The following DOK5 variants were observed in gnomAD, a reference collection of about 807,000 sequenced individuals.
DOK5 encodes the protein downstream of tyrosine kinase 5.
A neutral mutation model predicts 43.3 loss-of-function variants in DOK5; 27 were observed. The observed-to-expected ratio is 0.62, with a 90% confidence interval of 0.46 to 0.86. The LOEUF (loss-of-function observed/expected upper bound fraction) is 0.86, where lower values mean the gene tolerates loss of function less well. Among genes scored for constraint, DOK5 ranks in the 40% least tolerant of loss-of-function variants. The pLI, the probability that DOK5 is intolerant of heterozygous loss-of-function variation, is 0.00. For synonymous variants in DOK5, 146 were observed against 140.1 expected, an observed-to-expected ratio of 1.04 and a Z score of -0.30; for missense variants, 373 against 392.9, an observed-to-expected ratio of 0.95 and a Z score of 0.43.
chr20:54,495,947 A>G (rs1982374666), intron 1 of DOK5, among the ~76,000 whole-genome samples: 2 of 152,228 alleles, frequency 1.3e-5, no homozygotes, highest in South Asian at 4.1e-4. Context: ...AGTGAGACTG[A>G]CAATTTTACA....
In DOK5 at chr20:54,568,327, C is replaced by T. The variant is rs558762649; in HGVS notation, c.174+13287C>T. On this transcript the variant is annotated intron_variant, in intron 2 of 7. Transcript: ENST00000262593. Reference sequence around the variant, plus strand: ...CGTATACCTCTAAGATACAATCTATCCAGTTTCACATTTGTATGCATATGT... The same window carrying T: ...CGTATACCTCTAAGATACAATCTATTCAGTTTCACATTTGTATGCATATGT... Among the ~76,000 whole-genome samples, 6 of 152,298 alleles carry T rather than the reference C, an allele frequency of 3.9e-5. No homozygotes were observed. The East Asian group carries it at 1.2e-3, about 29-fold the overall frequency.
intron 6 of DOK5, among the ~76,000 whole-genome samples, chr20:54,625,341 C>T (rs1987102197): frequency 6.6e-6 from 1 of 152,176 alleles, no homozygotes; most frequent in Non-Finnish European, 1.5e-5. Context: ...AGGTTCTAAT[C>T]TCCTGTTTTT....
chr20:54,512,401 T>C (rs1339148455), intron 1 of DOK5, among the ~76,000 whole-genome samples: 1 of 152,228 alleles, frequency 6.6e-6, no homozygotes, highest in African/African-American at 2.4e-5. Flanking sequence ...TCAAAAGGCA[T>C]TGACTGACCT....
chr20:54,565,198 GT>G (rs1053245251), intron 2 of DOK5, among the ~76,000 whole-genome samples: 3 of 152,090 alleles, frequency 2.0e-5, no homozygotes, highest in African/African-American at 7.2e-5. Context: ...TATATTCTAT[GT>G]TTTTTCCTAT....
chr20:54,556,206 C>T (rs1984703505), intron 2 of DOK5, among the ~76,000 whole-genome samples: 2 of 152,140 alleles, frequency 1.3e-5, no homozygotes, highest in African/African-American at 2.4e-5. Context: ...CCTGTCACCC[C>T]ATGAAGCAGT....
At chr20:54,492,846 G>A (rs1443201065) in intron 1 of DOK5, among the ~76,000 whole-genome samples, 1 of 151,974 alleles carries the variant, frequency 6.6e-6, no homozygotes, top group Admixed American at 6.6e-5. Context: ...TTGAGGTCAG[G>A]AGTTCAAGAT....
At chr20:54,512,554 C>G (rs1983048704) in intron 1 of DOK5, among the ~76,000 whole-genome samples, 1 of 152,120 alleles carries the variant, frequency 6.6e-6, no homozygotes, top group Admixed American at 6.5e-5. Flanking sequence ...TATAGGCCCA[C>G]TAATTATTTG....
chr20:54,595,687 G>A (rs1329271490), intron 5 of DOK5, among the ~76,000 whole-genome samples: 2 of 152,168 alleles, frequency 1.3e-5, no homozygotes, highest in African/African-American at 2.4e-5. Flanking sequence ...ATTTTGAATA[G>A]CATTATTTCT....
At chr20:54,504,826 G>A (rs1377828954) in intron 1 of DOK5, among the ~76,000 whole-genome samples, 1 of 152,186 alleles carries the variant, frequency 6.6e-6, no homozygotes, top group Non-Finnish European at 1.5e-5. Flanking sequence ...TTTTGAGGTG[G>A]TAGGTGAGAA....
At chr20:54,540,410 C>A (rs1984111924) in intron 1 of DOK5, among the ~76,000 whole-genome samples, 1 of 152,184 alleles carries the variant, frequency 6.6e-6, no homozygotes. Flanking sequence ...ATGAAGGAAA[C>A]AAAATGTGTT....
intron 1 of DOK5, among the ~76,000 whole-genome samples, chr20:54,514,163 T>C (rs1304526240): frequency 6.6e-6 from 1 of 152,228 alleles, no homozygotes; most frequent in Non-Finnish European, 1.5e-5. Context: ...CATGTGGCTC[T>C]GAATACAGGG....
In DOK5 at chr20:54,502,613, T is replaced by C. The variant is rs116799758; in HGVS notation, c.66+26601T>C. Among the ~76,000 whole-genome samples the C allele has an allele frequency of 3.0e-3, 462 of 152,336 alleles. 4 individuals are homozygous for C. The highest frequency in any genetic ancestry group is 0.01 in the African/African-American group (423 of 41,586). ...TTTCAAGCATATATCAGCATATACA[T>C]ATATAGGTATATTTGTATATATGTC... On this transcript the variant is annotated intron_variant, in intron 1 of 7. Transcript: ENST00000262593.
At chr20:54,647,717 G>A (rs1280919298) in intron 7 of DOK5, among the ~76,000 whole-genome samples, 1 of 152,004 alleles carries the variant, frequency 6.6e-6, no homozygotes, top group Non-Finnish European at 1.5e-5. Context: ...GTGGTCAAAC[G>A]CGTCTGGGGG....
intron 6 of DOK5, among the ~76,000 whole-genome samples, chr20:54,612,188 G>A (rs1266469357): frequency 6.6e-6 from 1 of 152,060 alleles, no homozygotes; most frequent in African/African-American, 2.4e-5. Context: ...TTGCATATGG[G>A]TCATTCAGAA....
chr20:54,498,895 A>G (rs765020146), intron 1 of DOK5, among the ~76,000 whole-genome samples: 1 of 152,238 alleles, frequency 6.6e-6, no homozygotes, highest in Non-Finnish European at 1.5e-5. Context: ...GCAAATATAG[A>G]AATATGGAAA....
intron 5 of DOK5, among the ~76,000 whole-genome samples, chr20:54,604,096 G>A (rs914495610): frequency 6.6e-5 from 10 of 151,748 alleles, no homozygotes; most frequent in African/African-American, 2.2e-4. Flanking sequence ...ACAGGCGCCC[G>A]CCACCATGCC....
intron 2 of DOK5, among the ~76,000 whole-genome samples, chr20:54,570,561 T>A (rs756528189): frequency 1.3e-5 from 2 of 152,220 alleles, no homozygotes; most frequent in Non-Finnish European, 2.9e-5. Flanking sequence ...TGTAGCAGTC[T>A]TGTTTTTACT....
chr20:54,535,848 C>CT (rs1448257161), intron 1 of DOK5, among the ~76,000 whole-genome samples: 1 of 152,000 alleles, frequency 6.6e-6, no homozygotes, highest in Non-Finnish European at 1.5e-5. Context: ...ATATTCTGGA[C>CT]TTTTTAAAAA....
intron 6 of DOK5, among the ~76,000 whole-genome samples, chr20:54,637,865 G>C (rs1978897034): frequency 6.6e-6 from 1 of 152,206 alleles, no homozygotes; most frequent in Non-Finnish European, 1.5e-5. Context: ...GCTCACGCCT[G>C]TAATCCCAGC....
Sources: allele counts gnomAD v4.1 joint callset (sites outside exome capture counted in the v4.1 genomes callset), GRCh38; gene constraint gnomAD v4.1.1; transcripts MANE v1.5; gene names NCBI Gene and HGNC (gene_info 2026-07-23, HGNC 2026-07-21).